The following NECAB1 variants were observed in gnomAD, a reference collection of about 807,000 sequenced individuals.
The protein encoded by NECAB1 is N-terminal EF-hand calcium-binding protein 1.
Under a neutral mutation model 57.5 loss-of-function variants are expected in NECAB1, and 29 were observed. The ratio of observed to expected loss-of-function variants is 0.50; its 90% CI spans 0.38 to 0.69. The LOEUF (loss-of-function observed/expected upper bound fraction) is 0.69, where lower values mean the gene tolerates loss of function less well. Ranked by LOEUF, NECAB1 falls within the 30% of genes least tolerant of loss-of-function variation. The pLI is 0.00. For synonymous variants in NECAB1, 142 were observed against 147.7 expected (o/e 0.96, Z 0.28); for missense variants, 372 against 413.8 (o/e 0.90, Z 0.88).
chr8:90,876,339 C>T (rs981234844), intron 4 of NECAB1, among the ~76,000 whole-genome samples: 2 of 152,116 alleles, frequency 1.3e-5, no homozygotes, highest in Non-Finnish European at 2.9e-5. Flanking sequence ...CTAGATCTGA[C>T]TGACCTCCCT....
chr8:90,841,161 G>A (rs907204733), intron 3 of NECAB1, among the ~76,000 whole-genome samples: 12 of 151,964 alleles, frequency 7.9e-5, no homozygotes, highest in African/African-American at 1.2e-4. Flanking sequence ...TTGGGAGGCT[G>A]AGGCAGCAGA....
chr8:90,881,572 G>A lies in NECAB1; in HGVS notation c.357+442G>A, dbSNP rs112668876. Among the ~76,000 whole-genome samples, 12 of 152,146 alleles carry A rather than the reference G, an allele frequency of 7.9e-5. 1 individual carries two copies. The highest frequency in any genetic ancestry group is 1.2e-4 in the African/African-American group (5 of 41,502). On this transcript the variant is annotated intron_variant, in intron 5 of 12. Transcript: ENST00000417640. ...ATCTGGTTGTTTAAAAGTGTATGGC[G>A]CTTCCTCCGCCCCTCTCCTTCCTCC...
At chr8:90,874,951 T>TTTG in intron 4 of NECAB1, among the ~76,000 whole-genome samples, 2 of 152,028 alleles carry the variant, frequency 1.3e-5, no homozygotes, top group Middle Eastern at 6.8e-3. Flanking sequence ...AAATGCATTT[T>TTTG]TTTTTTGCCG....
chr8:90,952,369 A>G (rs755903659), intron 12 of NECAB1, among the ~76,000 whole-genome samples: 7 of 152,214 alleles, frequency 4.6e-5, no homozygotes, highest in Non-Finnish European at 1.0e-4. Context: ...ATCTAAGAGA[A>G]GCTTGGGGAG....
chr8:90,959,029 T>C lies in NECAB1; in HGVS notation c.*3517T>C, dbSNP rs1186933467. On this transcript the variant is annotated 3_prime_UTR_variant, in exon 13 of 13. Transcript: ENST00000417640. ...ATGCTACTTAAAACTTTGGTTGTTTTCCTGTAATATAAAAGAAAAAGTTAA... is the reference window on the plus strand; with the variant it reads ...ATGCTACTTAAAACTTTGGTTGTTTCCCTGTAATATAAAAGAAAAAGTTAA... 5.2e-6 allele frequency: 7 copies of C among 1,358,046 alleles called. No homozygotes were observed. The highest frequency in any genetic ancestry group is 6.9e-6 in the Non-Finnish European group (7 of 1,012,306). 84.1% of individuals were successfully genotyped at this position (1,358,046 alleles called of 1,614,324 possible). A position where few individuals can be genotyped will look rare whatever the true frequency, so the allele number is the denominator to read the frequency against.
intron 4 of NECAB1, among the ~76,000 whole-genome samples, chr8:90,872,874 T>C: frequency 6.6e-6 from 1 of 152,228 alleles, no homozygotes; most frequent in Non-Finnish European, 1.5e-5. Flanking sequence ...TCTTATTGTC[T>C]AGGCTGCTCA....
At chr8:90,950,011 A>G in intron 11 of NECAB1, 127 bp downstream of exon 11, 1 of 534,902 alleles carries the variant, frequency 1.9e-6, no homozygotes, top group South Asian at 3.2e-5. Context: ...CCATTTGCCC[A>G]TTACCATGAA....
At chr8:90,877,295 T>A (rs922727639) in intron 4 of NECAB1, among the ~76,000 whole-genome samples, 18 of 152,172 alleles carry the variant, frequency 1.2e-4, no homozygotes, top group African/African-American at 4.3e-4. Flanking sequence ...CCCTTCTCTC[T>A]TGATGGTGTC....
chr8:90,815,489 C>A (rs1812047287), intron 2 of NECAB1, among the ~76,000 whole-genome samples: 1 of 151,962 alleles, frequency 6.6e-6, no homozygotes, highest in Non-Finnish European at 1.5e-5. Flanking sequence ...TCTATCATAG[C>A]ATGTCATACA....
chr8:90,904,892 CAA>C (rs1218612053), intron 5 of NECAB1, among the ~76,000 whole-genome samples: 1 of 151,958 alleles, frequency 6.6e-6, no homozygotes, highest in African/African-American at 2.4e-5. Context: ...TATATGAAAA[CAA>C]AAGAGTTAAA....
At chr8:90,939,184 ATACT>A (rs1406362467) in intron 9 of NECAB1, among the ~76,000 whole-genome samples, 2 of 152,248 alleles carry the variant, frequency 1.3e-5, no homozygotes, top group Non-Finnish European at 2.9e-5. Context: ...CCTAAATAAA[ATACT>A]TACTACCCAT....
intron 4 of NECAB1, among the ~76,000 whole-genome samples, chr8:90,874,323 T>C (rs1369835325): frequency 1.3e-5 from 2 of 152,220 alleles, no homozygotes; most frequent in African/African-American, 2.4e-5. Context: ...CTGAGGCTTT[T>C]ACTTAATTTG....
chr8:90,868,758 C>A (rs1414376958), intron 3 of NECAB1, among the ~76,000 whole-genome samples: 3 of 152,186 alleles, frequency 2.0e-5, no homozygotes, highest in African/African-American at 7.2e-5. Context: ...TTAGAAAATT[C>A]TCAGCCCATC....
chr8:90,794,769 T>G (rs553715742), intron 1 of NECAB1, among the ~76,000 whole-genome samples: 1 of 152,230 alleles, frequency 6.6e-6, no homozygotes, highest in East Asian at 1.9e-4. Context: ...ATTTGAAGTA[T>G]TATGGTTATT....
At chr8:90,905,240 T>C (rs543206196) in intron 5 of NECAB1, among the ~76,000 whole-genome samples, 1 of 152,180 alleles carries the variant, frequency 6.6e-6, no homozygotes, top group East Asian at 1.9e-4. Flanking sequence ...TTTGGCAAAA[T>C]ACAGGAACAG....
chr8:90,801,639 T>C lies in NECAB1; in HGVS notation c.100-52T>C, dbSNP rs74478247. The C allele has an allele frequency of 5.0e-3, 5,679 of 1,142,782 alleles. 211 individuals are homozygous for C. The African/African-American group carries it at 0.078, about 16-fold the overall frequency. 70.8% of individuals were successfully genotyped at this position (1,142,782 alleles called of 1,614,324 possible). A position where few individuals can be genotyped will look rare whatever the true frequency, so the allele number is the denominator to read the frequency against. ...AAATTATGTGTAAGTGTAACGTTCG[T>C]TGCAATATTTATCTAAAATGCTGAT... is the stretch of plus-strand genomic sequence containing the variant. On this transcript the variant is annotated intron_variant, in intron 1 of 12. Coordinates refer to ENST00000417640, the MANE Select transcript of NECAB1 (RefSeq NM_022351.5).
intron 3 of NECAB1, among the ~76,000 whole-genome samples, chr8:90,828,109 TC>T (rs1812251282): frequency 6.7e-6 from 1 of 149,844 alleles, no homozygotes; most frequent in Non-Finnish European, 1.5e-5. Flanking sequence ...TTGAGAAATT[TC>T]CTTAAGAGTA....
At chr8:90,929,480 A>G (rs1429547528) in intron 8 of NECAB1, among the ~76,000 whole-genome samples, 2 of 152,184 alleles carry the variant, frequency 1.3e-5, no homozygotes, top group East Asian at 1.9e-4. Context: ...CTAAATAGCA[A>G]GAAATAGTCA....
intron 3 of NECAB1, among the ~76,000 whole-genome samples, chr8:90,865,341 A>G (rs941652714): frequency 6.6e-6 from 1 of 151,972 alleles, no homozygotes; most frequent in Non-Finnish European, 1.5e-5. Flanking sequence ...TGCTTATGGG[A>G]CCTCCTATAG....
Sources: gnomAD v4.1 joint callset for allele counts (sites outside exome capture counted in the v4.1 genomes callset) on GRCh38, gnomAD v4.1.1 for gene constraint, MANE v1.5 for transcripts, NCBI Gene and HGNC (gene_info 2026-07-23, HGNC 2026-07-21) for gene names.